ULK4: variants seen among roughly 807,000 people sequenced by gnomAD.
ULK4 encodes inactive serine/threonine-protein kinase ULK4.
ULK4 carries 133 observed loss-of-function variants against 160.6 expected under a neutral mutation model. That is an observed-to-expected ratio of 0.83 (90% CI 0.72 to 0.96). ULK4 has a LOEUF of 0.96. Among genes scored for constraint, ULK4 ranks in the 40% least tolerant of loss-of-function variants. The probability of loss-of-function intolerance (pLI) is 0.00; values close to 1 mark genes in which losing one functional copy is unlikely to be tolerated. For synonymous variants in ULK4, 534 were observed against 539.8 expected, an observed-to-expected ratio of 0.99 and a Z score of 0.15; for missense variants, 1,580 against 1,499.5, an observed-to-expected ratio of 1.05 and a Z score of -0.89.
chr3:41,381,713 T>C (rs1473847982), intron 35 of ULK4, among the ~76,000 whole-genome samples: 1 of 152,174 alleles, frequency 6.6e-6, no homozygotes, highest in Non-Finnish European at 1.5e-5. Context: ...GTATCTCTTA[T>C]CCTTCACCCT....
At chr3:41,401,659 C>G (rs749141156) in intron 34 of ULK4, among the ~76,000 whole-genome samples, 9 of 152,156 alleles carry the variant, frequency 5.9e-5, no homozygotes, top group African/African-American at 1.4e-4. Flanking sequence ...GTAGGTTCCT[C>G]TGTGTGTGCA....
At chr3:41,623,710 C>T (rs2033360253) in intron 30 of ULK4, among the ~76,000 whole-genome samples, 1 of 151,682 alleles carries the variant, frequency 6.6e-6, no homozygotes, top group Non-Finnish European at 1.5e-5. Context: ...AAGGTGTGGA[C>T]AAGAAAAGGA....
At chr3:41,448,680 G>A (rs2083359652) in intron 34 of ULK4, among the ~76,000 whole-genome samples, 1 of 152,144 alleles carries the variant, frequency 6.6e-6, no homozygotes, top group Non-Finnish European at 1.5e-5. Context: ...TCATGATAGT[G>A]CTCATGGCAA....
chr3:41,274,930 C>A (rs149226280), intron 35 of ULK4, among the ~76,000 whole-genome samples: 1 of 152,264 alleles, frequency 6.6e-6, no homozygotes, highest in African/African-American at 2.4e-5. Context: ...CTCTGCTAAG[C>A]CTTTGGATGC....
At chr3:41,422,507 A>G (rs1333355411) in intron 34 of ULK4, among the ~76,000 whole-genome samples, 1 of 152,164 alleles carries the variant, frequency 6.6e-6, no homozygotes, top group African/African-American at 2.4e-5. Context: ...GATAATTTAT[A>G]CTTTTCTGTA....
chr3:41,604,341 A>G (rs1482196066), intron 31 of ULK4, among the ~76,000 whole-genome samples: 1 of 152,142 alleles, frequency 6.6e-6, no homozygotes, highest in Non-Finnish European at 1.5e-5. Context: ...AAATAAAAGT[A>G]TACTGATGTG....
intron 21 of ULK4, among the ~76,000 whole-genome samples, chr3:41,756,004 C>CAG (rs1453306808): frequency 3.3e-5 from 5 of 152,072 alleles, no homozygotes; most frequent in Admixed American, 3.3e-4. Context: ...GAGATAAAGA[C>CAG]AGAGAGAGAG....
chr3:41,304,089 C>T (rs2091232), intron 35 of ULK4, among the ~76,000 whole-genome samples: 84,836 of 151,652 alleles, frequency 0.56, 25,708 homozygotes, highest in African/African-American at 0.81. Flanking sequence ...ATGGTCTACA[C>T]GGTGAAACCC....
intron 33 of ULK4, among the ~76,000 whole-genome samples, chr3:41,462,558 C>T (rs1191864236): frequency 6.6e-6 from 1 of 152,132 alleles, no homozygotes; most frequent in Non-Finnish European, 1.5e-5. Context: ...TTTCCATAGC[C>T]ACTGAATACA....
At chr3:41,800,389 G>C in intron 19 of ULK4, 96 bp from the exon 20 acceptor site, 1 of 1,234,590 alleles carries the variant, frequency 8.1e-7, no homozygotes. Flanking sequence ...TACCAAGACA[G>C]TAACATGCCT....
chr3:41,287,256 A>G (rs2079478501), intron 35 of ULK4, among the ~76,000 whole-genome samples: 1 of 152,204 alleles, frequency 6.6e-6, no homozygotes, highest in South Asian at 2.1e-4. Flanking sequence ...CATAAAGGCT[A>G]AGTGAGTAAA....
intron 7 of ULK4, among the ~76,000 whole-genome samples, chr3:41,917,675 CTG>C (rs1699015091): frequency 6.6e-6 from 1 of 152,002 alleles, no homozygotes; most frequent in Non-Finnish European, 1.5e-5. Context: ...AATAATACAA[CTG>C]TATCTAATTT....
intron 27 of ULK4, 116 bp downstream of exon 27, chr3:41,704,941 T>C (rs1004867757): frequency 9.9e-6 from 7 of 703,760 alleles, no homozygotes; most frequent in Non-Finnish European, 1.6e-5. Context: ...GGGTTCTGAA[T>C]GGTTATTTCA....
At chr3:41,482,294 AG>A (rs2084356141) in intron 32 of ULK4, among the ~76,000 whole-genome samples, 1 of 152,210 alleles carries the variant, frequency 6.6e-6, no homozygotes, top group South Asian at 2.1e-4. Flanking sequence ...AAAAGGGTCT[AG>A]GAAGGAGAAA....
At chr3:41,642,703 C>A (rs1483499866) in intron 30 of ULK4, among the ~76,000 whole-genome samples, 1 of 152,108 alleles carries the variant, frequency 6.6e-6, no homozygotes, top group Non-Finnish European at 1.5e-5. Flanking sequence ...GGGTATATAC[C>A]CAGTAATGGG....
At chr3:41,692,783 A>C (rs989028709) in intron 27 of ULK4, among the ~76,000 whole-genome samples, 1 of 152,214 alleles carries the variant, frequency 6.6e-6, no homozygotes, top group African/African-American at 2.4e-5. Flanking sequence ...GACCTACTGA[A>C]CTTTTTGAAA....
intron 35 of ULK4, among the ~76,000 whole-genome samples, chr3:41,366,541 A>G (rs2081257065): frequency 7.1e-6 from 1 of 140,838 alleles, no homozygotes; most frequent in South Asian, 2.2e-4. Flanking sequence ...TATTTGGAAA[A>G]TATGGCTACA....
chr3:41,789,533 G>C (rs1680624329), intron 21 of ULK4, 128 bp downstream of exon 21: 1 of 819,906 alleles, frequency 1.2e-6, no homozygotes, highest in African/African-American at 1.8e-5. Flanking sequence ...ACAAAGGTTT[G>C]GCAAAGTTCA....
At chr3:41,853,741 TAA>T in intron 17 of ULK4, among the ~76,000 whole-genome samples, 1 of 152,266 alleles carries the variant, frequency 6.6e-6, no homozygotes, top group Admixed American at 6.5e-5. Context: ...TTTCTCCTGA[TAA>T]GAGATCATGG....
Sources: gnomAD v4.1 joint callset for allele counts (sites outside exome capture counted in the v4.1 genomes callset) on GRCh38, gnomAD v4.1.1 for gene constraint, MANE v1.5 for transcripts, NCBI Gene and HGNC (gene_info 2026-07-23, HGNC 2026-07-21) for gene names.